Variants in DAB1 observed in about 807,000 individuals in gnomAD.
DAB1 encodes DAB adaptor protein 1, also known as disabled homolog 1.
A neutral mutation model predicts 64.6 loss-of-function variants in DAB1; 15 were observed. The ratio of observed to expected loss-of-function variants is 0.23; its 90% CI spans 0.16 to 0.36. The LOEUF is 0.36. Ranked by LOEUF, DAB1 falls within the 10% of genes least tolerant of loss-of-function variation. DAB1 has a pLI of 1.00. For missense variants in DAB1, 596 were observed against 706.7 expected (o/e 0.84, Z 1.78); for synonymous variants, 235 against 251.9 (o/e 0.93, Z 0.64).
intron 7 of DAB1, among the ~76,000 whole-genome samples, chr1:57,583,760 C>T (rs1231157527): frequency 1.3e-5 from 2 of 152,164 alleles, no homozygotes; most frequent in Non-Finnish European, 2.9e-5. Context: ...CCCTCATGAG[C>T]CTCACATGGG....
chr1:58,450,591 A>G (rs952264268), intron 3 of DAB1, among the ~76,000 whole-genome samples: 1 of 152,112 alleles, frequency 6.6e-6, no homozygotes, highest in Non-Finnish European at 1.5e-5. Context: ...CATCTCTACT[A>G]AAAACACAAA....
chr1:57,611,165 G>A (rs1478307053), intron 7 of DAB1, among the ~76,000 whole-genome samples: 1 of 123,438 alleles, frequency 8.1e-6, no homozygotes, highest in Non-Finnish European at 1.6e-5. Flanking sequence ...CTTTCCAAGT[G>A]TGCCAGTTTC....
At chr1:57,976,403 A>G (rs1381848262) in intron 5 of DAB1, among the ~76,000 whole-genome samples, 2 of 152,200 alleles carry the variant, frequency 1.3e-5, no homozygotes, top group Non-Finnish European at 2.9e-5. Context: ...AAACTGCTGT[A>G]TGCAGCTTTG....
chr1:58,391,984 G>A (rs1644479871), intron 3 of DAB1, among the ~76,000 whole-genome samples: 1 of 152,224 alleles, frequency 6.6e-6, no homozygotes, highest in Non-Finnish European at 1.5e-5. Flanking sequence ...ATACCAGAAT[G>A]AGTGGGCACA....
chr1:58,140,474 T>C (rs1210795952), intron 5 of DAB1, among the ~76,000 whole-genome samples: 1 of 152,178 alleles, frequency 6.6e-6, no homozygotes, highest in Non-Finnish European at 1.5e-5. Flanking sequence ...AAAGGCATCA[T>C]AGACCAAGTG....
chr1:57,322,489 AGACTTT>A (rs1461269535), intron 1 of DAB1, among the ~76,000 whole-genome samples: 8 of 152,154 alleles, frequency 5.3e-5, no homozygotes, highest in Admixed American at 4.6e-4. Flanking sequence ...CTTACCCCGT[AGACTTT>A]GACTTTGGCC....
intron 3 of DAB1, among the ~76,000 whole-genome samples, chr1:58,377,951 C>T (rs1399193730): frequency 2.8e-5 from 4 of 142,240 alleles, no homozygotes; most frequent in African/African-American, 1.0e-4. Context: ...TGCTGATACC[C>T]TTTCTTCCAG....
intron 10 of DAB1, among the ~76,000 whole-genome samples, chr1:57,024,692 G>T (rs893563214): frequency 1.3e-5 from 2 of 152,146 alleles, no homozygotes; most frequent in Non-Finnish European, 2.9e-5. Flanking sequence ...GTGACCTTGG[G>T]TGAGTCACAT....
At chr1:57,562,678 C>T (rs557936043) in intron 7 of DAB1, among the ~76,000 whole-genome samples, 84 of 152,248 alleles carry the variant, frequency 5.5e-4, no homozygotes, top group Middle Eastern at 6.8e-3. Context: ...TCACCATCAC[C>T]CCTAGTGATC....
intron 1 of DAB1, among the ~76,000 whole-genome samples, chr1:57,834,026 T>C (rs1346570461): frequency 1.3e-5 from 2 of 152,218 alleles, no homozygotes; most frequent in Non-Finnish European, 2.9e-5. Flanking sequence ...TGCATCCTAT[T>C]AACCTATTTA....
chr1:58,102,349 G>A (rs899016843), intron 5 of DAB1, among the ~76,000 whole-genome samples: 2 of 152,192 alleles, frequency 1.3e-5, no homozygotes, highest in Non-Finnish European at 2.9e-5. Flanking sequence ...AAGAGAGTGT[G>A]ATCAAGCTGT....
intron 5 of DAB1, among the ~76,000 whole-genome samples, chr1:58,129,220 T>G: frequency 6.6e-6 from 1 of 151,650 alleles, no homozygotes; most frequent in East Asian, 1.9e-4. Flanking sequence ...ATCCATTTCT[T>G]CTAGATTTTC....
chr1:57,010,572 A>G, intron 14 of DAB1, 108 bp downstream of exon 14: 1 of 551,426 alleles, frequency 1.8e-6, no homozygotes, highest in Non-Finnish European at 3.2e-6. Flanking sequence ...CAGCTCAGGC[A>G]AGGAGACATG....
intron 5 of DAB1, among the ~76,000 whole-genome samples, chr1:57,991,845 C>CA (rs56324635): frequency 0.012 from 742 of 60,138 alleles, 63 homozygotes; most frequent in South Asian, 0.068. Context: ...GGCTCTGTCT[C>CA]AAAAAAAAAA....
At chr1:57,527,571 C>T (rs79418360) in intron 7 of DAB1, among the ~76,000 whole-genome samples, 1 of 152,210 alleles carries the variant, frequency 6.6e-6, no homozygotes, top group East Asian at 1.9e-4. Flanking sequence ...ACTCTGCCTC[C>T]TACTACATGC....
intron 3 of DAB1, among the ~76,000 whole-genome samples, chr1:58,495,464 C>T (rs952875269): frequency 1.4e-4 from 22 of 151,782 alleles, no homozygotes; most frequent in African/African-American, 5.1e-4. Context: ...GTTTCTCATG[C>T]CACTTAAATT....
intron 7 of DAB1, among the ~76,000 whole-genome samples, chr1:57,598,943 G>A (rs1479209142): frequency 6.6e-6 from 1 of 151,978 alleles, no homozygotes; most frequent in Non-Finnish European, 1.5e-5. Context: ...CCAGGTTCCT[G>A]ACAGCCATTT....
At chr1:57,773,449 T>C (rs1649655037) in intron 6 of DAB1, among the ~76,000 whole-genome samples, 1 of 152,078 alleles carries the variant, frequency 6.6e-6, no homozygotes, top group African/African-American at 2.4e-5. Context: ...TTTCCAAGTC[T>C]ATGGCTTGTC....
intron 1 of DAB1, among the ~76,000 whole-genome samples, chr1:57,355,455 A>G (rs1444256979): frequency 1.3e-5 from 2 of 151,884 alleles, no homozygotes; most frequent in Non-Finnish European, 2.9e-5. Context: ...TCCCAGGTTG[A>G]AAAAGTCACA....
Sources: gnomAD v4.1 joint callset for allele counts (sites outside exome capture counted in the v4.1 genomes callset) on GRCh38, gnomAD v4.1.1 for gene constraint, MANE v1.5 for transcripts, NCBI Gene and HGNC (gene_info 2026-07-23, HGNC 2026-07-21) for gene names.